KALRN: variants seen among roughly 807,000 people sequenced by gnomAD.
The protein encoded by KALRN is kalirin RhoGEF kinase.
A neutral mutation model predicts 353.7 loss-of-function variants in KALRN; 70 were observed. That is an observed-to-expected ratio of 0.20 (90% CI 0.16 to 0.24). The LOEUF is 0.24. Among genes scored for constraint, KALRN ranks in the 10% least tolerant of loss-of-function variants. The probability of loss-of-function intolerance (pLI) is 1.00; values close to 1 mark genes in which losing one functional copy is unlikely to be tolerated. For missense variants in KALRN, 2,791 were observed against 3,756.7 expected, an observed-to-expected ratio of 0.74 and a Z score of 6.72; for synonymous variants, 1,391 against 1,434.8, an observed-to-expected ratio of 0.97 and a Z score of 0.69.
At chr3:124,524,594 A>G (rs1163043848) in intron 33 of KALRN, among the ~76,000 whole-genome samples, 1 of 152,234 alleles carries the variant, frequency 6.6e-6, no homozygotes, top group Non-Finnish European at 1.5e-5. Flanking sequence ...CAAGGACTGA[A>G]CATAAGAGAA....
chr3:124,100,487 A>G (rs909988660), intron 1 of KALRN: 2 of 152,190 alleles, frequency 1.3e-5, no homozygotes, highest in African/African-American at 2.4e-5. Flanking sequence ...TTAGACCCCT[A>G]TCTCTCACCC....
intron 4 of KALRN, 32 bp downstream of exon 4, chr3:124,264,722 T>C: frequency 1.9e-6 from 3 of 1,576,214 alleles, no homozygotes; most frequent in Non-Finnish European, 2.6e-6. Flanking sequence ...TAGCATCTTC[T>C]TTCCCTTCCC....
At chr3:124,311,566 C>G (rs1414311247) in intron 6 of KALRN, among the ~76,000 whole-genome samples, 1 of 152,130 alleles carries the variant, frequency 6.6e-6, no homozygotes. Flanking sequence ...GGTATAACTA[C>G]TTTGGAATAC....
Position 124,371,216 on chromosome 3 carries a change from T to C in KALRN, c.1771-13629T>C, listed in dbSNP as rs889195649. On this transcript the variant is annotated intron_variant, in intron 10 of 59. Coordinates refer to ENST00000682506, the MANE Select transcript of KALRN (RefSeq NM_001388419.1). Reference sequence around the variant, plus strand: ...ACAAGTTAGTATGAGTTTATTTTGGTGTAAAAAAGTTGAAATCCATGCATA... The same window carrying C: ...ACAAGTTAGTATGAGTTTATTTTGGCGTAAAAAAGTTGAAATCCATGCATA... Among the ~76,000 whole-genome samples, 7 of 152,220 alleles carry C rather than the reference T, an allele frequency of 4.6e-5. No individual in the cohort carries two copies. The East Asian group carries it at 1.2e-3, about 25-fold the overall frequency.
At chr3:124,155,202 A>G (rs1299445892) in intron 1 of KALRN, among the ~76,000 whole-genome samples, 2 of 152,220 alleles carry the variant, frequency 1.3e-5, no homozygotes, top group Non-Finnish European at 2.9e-5. Flanking sequence ...GGCATGGGCA[A>G]GGACTTCATG....
At chr3:124,112,683 T>G (rs552846669) in intron 1 of KALRN, among the ~76,000 whole-genome samples, 12 of 152,156 alleles carry the variant, frequency 7.9e-5, no homozygotes, top group Non-Finnish European at 5.9e-5. Flanking sequence ...TGATCTCATC[T>G]TAGAAGTCCC....
chr3:124,713,358 T>TA (rs1224016371), intron 58 of KALRN, among the ~76,000 whole-genome samples: 5 of 152,228 alleles, frequency 3.3e-5, no homozygotes, highest in African/African-American at 1.2e-4. Context: ...ACTAGCTCCT[T>TA]AAGACTAGGA....
intron 51 of KALRN, among the ~76,000 whole-genome samples, chr3:124,682,331 G>A (rs970624141): frequency 6.6e-6 from 1 of 152,164 alleles, no homozygotes; most frequent in Non-Finnish European, 1.5e-5. Context: ...TGCAATGGGC[G>A]TTGTCTCTCT....
chr3:124,662,351 C>T (rs13058958), intron 45 of KALRN, among the ~76,000 whole-genome samples: 18,675 of 151,824 alleles, frequency 0.12, 1,247 homozygotes, highest in African/African-American at 0.16. Context: ...TCCAGTCACA[C>T]ACCACCATAC....
intron 15 of KALRN, among the ~76,000 whole-genome samples, chr3:124,424,383 C>T (rs1307863342): frequency 3.3e-5 from 5 of 152,120 alleles, no homozygotes; most frequent in African/African-American, 1.2e-4. Context: ...CCAAAAACAT[C>T]TTATTTTGTT....
chr3:124,646,131 C>T (rs917308315), intron 37 of KALRN, among the ~76,000 whole-genome samples: 7 of 152,222 alleles, frequency 4.6e-5, no homozygotes, highest in Admixed American at 1.3e-4. Flanking sequence ...TGGTAGGTGG[C>T]ACTGGACCAG....
intron 1 of KALRN, among the ~76,000 whole-genome samples, chr3:124,048,259 T>G (rs2040695936): frequency 6.6e-6 from 1 of 152,178 alleles, no homozygotes; most frequent in African/African-American, 2.4e-5. Flanking sequence ...AACAAAAGTA[T>G]AAGATATATG....
intron 1 of KALRN, among the ~76,000 whole-genome samples, chr3:124,175,875 T>C (rs1353548203): frequency 3.9e-5 from 6 of 152,372 alleles, no homozygotes; most frequent in Non-Finnish European, 7.3e-5. Flanking sequence ...TCTGAGACTC[T>C]ATGTGAATAT....
chr3:124,387,095 C>G (rs588800), intron 11 of KALRN, among the ~76,000 whole-genome samples: 32,176 of 152,036 alleles, frequency 0.21, 3,462 homozygotes, highest in Middle Eastern at 0.24. Context: ...TTTCTAAACC[C>G]CAAATCAGGG....
intron 1 of KALRN, among the ~76,000 whole-genome samples, chr3:124,197,315 T>G (rs2075541400): frequency 6.6e-6 from 1 of 152,252 alleles, no homozygotes; most frequent in Admixed American, 6.5e-5. Context: ...GCTTACTTTC[T>G]GCAGGTGCAT....
Position 124,395,123 on chromosome 3 carries a change from C to G in KALRN, c.1963-12C>G, listed in dbSNP as rs757778564. On this transcript the variant is annotated splice_polypyrimidine_tract_variant and intron_variant, in intron 11 of 59. Coordinates refer to ENST00000682506, the MANE Select transcript of KALRN (RefSeq NM_001388419.1). ...ATCTTCCCTGAGTGGAATCTCTGCT[C>G]TCTCTCTACAGTTGTGGACATGGAT... 6.2e-7 allele frequency: 1 copy of G among 1,603,448 alleles called. No homozygotes were observed. The highest frequency in any genetic ancestry group is 1.1e-5 in the South Asian group (1 of 90,474).
chr3:124,230,873 A>G (rs1291775137), intron 2 of KALRN, among the ~76,000 whole-genome samples: 1 of 48,084 alleles, frequency 2.1e-5, no homozygotes, highest in South Asian at 5.4e-4. Context: ...AAAAAAAAAC[A>G]AAAAAAAAAC....
intron 1 of KALRN, among the ~76,000 whole-genome samples, chr3:124,120,787 G>A (rs1366319446): frequency 6.9e-6 from 1 of 145,850 alleles, no homozygotes; most frequent in African/African-American, 2.6e-5. Context: ...GTGTATTTAT[G>A]CAGCACCTTC....
intron 1 of KALRN, among the ~76,000 whole-genome samples, chr3:124,035,907 G>A (rs965976077): frequency 6.6e-6 from 1 of 152,300 alleles, no homozygotes. Context: ...GGCTGGAAAT[G>A]ACTGATGACC....
Sources: gnomAD v4.1 joint callset for allele counts (sites outside exome capture counted in the v4.1 genomes callset) on GRCh38, gnomAD v4.1.1 for gene constraint, MANE v1.5 for transcripts, NCBI Gene and HGNC (gene_info 2026-07-23, HGNC 2026-07-21) for gene names.